CSMD2: variants seen among roughly 807,000 people sequenced by gnomAD.
The protein encoded by CSMD2 is CUB and sushi domain-containing protein 2.
CSMD2 carries 130 observed loss-of-function variants against 398.5 expected under a neutral mutation model. The observed-to-expected ratio is 0.33, with a 90% confidence interval of 0.28 to 0.38. CSMD2 has a LOEUF of 0.38. Ranked by LOEUF, CSMD2 falls within the 10% of genes least tolerant of loss-of-function variation. The probability of loss-of-function intolerance (pLI) is 1.00; values close to 1 mark genes in which losing one functional copy is unlikely to be tolerated. For missense variants in CSMD2, 3,829 were observed against 4,764.9 expected, an observed-to-expected ratio of 0.80 and a Z score of 5.78; for synonymous variants, 1,828 against 1,908.5, an observed-to-expected ratio of 0.96 and a Z score of 1.10.
intron 2 of CSMD2, among the ~76,000 whole-genome samples, chr1:34,077,664 G>A (rs1222914244): frequency 1.3e-5 from 2 of 149,310 alleles, no homozygotes; most frequent in Admixed American, 6.7e-5. Context: ...GTGAACCCGG[G>A]AGGCGGAGCT....
chr1:33,791,463 G>T (rs1366664063), intron 11 of CSMD2, among the ~76,000 whole-genome samples: 2 of 152,154 alleles, frequency 1.3e-5, no homozygotes, highest in African/African-American at 2.4e-5. Context: ...TAAGCCACAT[G>T]TCCTGAGCAG....
At chr1:34,046,647 T>C (rs1159682913) in intron 2 of CSMD2, among the ~76,000 whole-genome samples, 5 of 152,232 alleles carry the variant, frequency 3.3e-5, no homozygotes, top group African/African-American at 1.2e-4. Context: ...TTACCCATGA[T>C]TTGTCTCTAT....
At chr1:33,587,273 C>T (rs922257684) in intron 44 of CSMD2, 105 bp from the exon 45 acceptor site, 19 of 862,514 alleles carry the variant, frequency 2.2e-5, no homozygotes, top group Non-Finnish European at 1.3e-5. Context: ...TTTATTCACA[C>T]ACAGATATTC....
In CSMD2 at chr1:33,533,016, G is replaced by T. The variant is rs200333295; in HGVS notation, c.10171+34C>A. 2.6e-6 allele frequency: 4 copies of T among 1,567,684 alleles called. No homozygotes were observed. In the East Asian group the frequency reaches 9.1e-5, roughly 36 times the overall value. On this transcript the variant is annotated intron_variant, in intron 64 of 70. Coordinates refer to ENST00000373381, the MANE Select transcript of CSMD2 (RefSeq NM_001281956.2). This position sits in a 1 kb window ranked among gnomAD's most constrained non-coding sequence, Gnocchi z 4.2. ...GTTCAGCCAGCACTTTCAGCCTCCC[G>T]CCCTGGAGAGCTTCCCCGAGCAGGC...
In CSMD2 at chr1:33,636,400, A is replaced by G; in HGVS notation, c.4929T>C (p.Asp1643=). The change falls in exon 30 of 71, where the codon GAT becomes GAC. Residue 1643 remains aspartate, a synonymous_variant. Coordinates refer to ENST00000373381, the MANE Select transcript of CSMD2 (RefSeq NM_001281956.2). The surrounding 1 kb of genome is among the most constrained non-coding windows in gnomAD (Gnocchi z 4.8). Reference sequence around the variant, plus strand: ...GGGGATTGTTCCACACGGGCTTCCCATCAGGCCCCAGGATGCAGCTCAGGG... The same window carrying G: ...GGGGATTGTTCCACACGGGCTTCCCGTCAGGCCCCAGGATGCAGCTCAGGG... The part of the protein sequence containing the change: ...TSTLSCILGP[D]GKPVWNNPRP... 1 of 1,613,624 alleles carries G rather than the reference A, an allele frequency of 6.2e-7. No individual in the cohort carries two copies. The highest frequency in any genetic ancestry group is 8.5e-7 in the Non-Finnish European group (1 of 1,179,794).
At chr1:34,126,834 A>G (rs1662790358) in intron 1 of CSMD2, among the ~76,000 whole-genome samples, 1 of 151,856 alleles carries the variant, frequency 6.6e-6, no homozygotes, top group Admixed American at 6.6e-5. Context: ...ATGGGGAGAG[A>G]GACGGGCAGG....
intron 3 of CSMD2, among the ~76,000 whole-genome samples, chr1:33,959,997 CTTG>C (rs1645299016): frequency 2.0e-5 from 3 of 152,206 alleles, no homozygotes; most frequent in Non-Finnish European, 4.4e-5. Flanking sequence ...TGTCTGGCAA[CTTG>C]ACTTTCGGCC....
At chr1:33,973,717 A>C (rs950791342) in intron 3 of CSMD2, among the ~76,000 whole-genome samples, 1 of 152,178 alleles carries the variant, frequency 6.6e-6, no homozygotes, top group African/African-American at 2.4e-5. Context: ...CTGGGGAGAC[A>C]GGACTCCTAC....
intron 15 of CSMD2, among the ~76,000 whole-genome samples, chr1:33,734,576 G>A (rs1409066438): frequency 6.6e-6 from 1 of 152,068 alleles, no homozygotes; most frequent in African/African-American, 2.4e-5. Context: ...CATGAGGTCA[G>A]GAGTTTGAGA....
At chr1:33,892,366 G>A (rs1416735532) in intron 5 of CSMD2, among the ~76,000 whole-genome samples, 1 of 151,720 alleles carries the variant, frequency 6.6e-6, no homozygotes, top group Non-Finnish European at 1.5e-5. Context: ...GTGGTTTTTG[G>A]TTACATGGAC....
At chr1:33,980,241 C>T (rs192831275) in intron 3 of CSMD2, among the ~76,000 whole-genome samples, 90 of 152,266 alleles carry the variant, frequency 5.9e-4, no homozygotes, top group African/African-American at 2.0e-3. Flanking sequence ...ATCTTAGAAC[C>T]CAAATCCCTC....
chr1:34,034,007 C>G (rs1558278464), intron 2 of CSMD2, among the ~76,000 whole-genome samples: 1 of 152,144 alleles, frequency 6.6e-6, no homozygotes, highest in Non-Finnish European at 1.5e-5. Flanking sequence ...GGCATCTTCT[C>G]TTCAAATATA....
At chr1:33,791,649 A>G (rs1163287361) in intron 11 of CSMD2, among the ~76,000 whole-genome samples, 1 of 152,090 alleles carries the variant, frequency 6.6e-6, no homozygotes, top group African/African-American at 2.4e-5. Flanking sequence ...CACCACATCC[A>G]GCTAATTTTT....
intron 3 of CSMD2, among the ~76,000 whole-genome samples, chr1:34,005,656 T>A (rs762021692): frequency 2.0e-5 from 3 of 152,216 alleles, no homozygotes; most frequent in Non-Finnish European, 2.9e-5. Context: ...ACTGAGTTTC[T>A]GCCTCAGTTT....
At position 33,877,944 on chromosome 1, in the gene CSMD2, C is replaced by T. The variant is rs980294042; in HGVS notation, c.921-30948G>A. On this transcript the variant is annotated intron_variant, in intron 5 of 70. Coordinates refer to ENST00000373381, the MANE Select transcript of CSMD2 (RefSeq NM_001281956.2). ...TGATTGGACAAGGAGTGGAGACACTCGACTGATGAGTGGAGCCAATCAGAT... is the reference window on the plus strand; with the variant it reads ...TGATTGGACAAGGAGTGGAGACACTTGACTGATGAGTGGAGCCAATCAGAT... Among the ~76,000 whole-genome samples, 81 of 152,100 alleles carry T rather than the reference C, an allele frequency of 5.3e-4. 1 individual carries two copies. Among genetic ancestry groups the T allele is most frequent in the Middle Eastern group, 3.4e-3 (1 of 294 alleles).
In CSMD2 at chr1:33,520,000, C is replaced by T; in HGVS notation, c.10598-50G>A. 1 of 1,604,186 alleles carries T rather than the reference C, an allele frequency of 6.2e-7. No individual in the cohort carries two copies. The highest frequency in any genetic ancestry group is 8.5e-7 in the Non-Finnish European group (1 of 1,172,674). On this transcript the variant is annotated intron_variant, in intron 68 of 70. Coordinates refer to ENST00000373381, the MANE Select transcript of CSMD2 (RefSeq NM_001281956.2). This position sits in a 1 kb window ranked among gnomAD's most constrained non-coding sequence, Gnocchi z 5.6. ...TCAAGTCACGAGACACAGTCTGAGG[C>T]TCCGTTGGCTACCCTCCCCGACTAT...
Position 33,522,742 on chromosome 1 carries a change from T to G in CSMD2, c.10509+565A>C, listed in dbSNP as rs188769922. Among the ~76,000 whole-genome samples, 607 of 152,300 alleles carry G rather than the reference T, an allele frequency of 4.0e-3. 4 individuals are homozygous for G. The highest frequency in any genetic ancestry group is 0.013 in the African/African-American group (534 of 41,550). ...GAGGACGTGGTAGGGGATGCTATGC[T>G]CAACTCCACTATGTGTGAAATAGGA... On this transcript the variant is annotated intron_variant, in intron 67 of 70. Coordinates refer to ENST00000373381, the MANE Select transcript of CSMD2 (RefSeq NM_001281956.2).
intron 13 of CSMD2, among the ~76,000 whole-genome samples, chr1:33,762,048 G>T (rs371241268): frequency 6.6e-6 from 1 of 152,180 alleles, no homozygotes; most frequent in Non-Finnish European, 1.5e-5. Context: ...GTAACCCAAG[G>T]CCCTCTTAGA....
Position 33,624,671 on chromosome 1 carries a change from G to A in CSMD2, c.5501-28C>T. 6.3e-7 allele frequency: 1 copy of A among 1,597,918 alleles called. No individual in the cohort carries two copies. Among genetic ancestry groups the A allele is most frequent in the South Asian group, 1.1e-5 (1 of 90,580 alleles). On this transcript the variant is annotated intron_variant, in intron 34 of 70. Transcript: ENST00000373381. This position sits in a 1 kb window ranked among gnomAD's most constrained non-coding sequence, Gnocchi z 4.7. ...GGGAGGAGAGGCCATCGGGTCAGAG[G>A]CTTTGTGGCCTCCCGTGGGAGCCTT...
Sources: gnomAD v4.1 joint callset for allele counts (sites outside exome capture counted in the v4.1 genomes callset) on GRCh38, gnomAD v4.1.1 for gene constraint, Gnocchi (gnomAD v3.1) non-coding constraint, MANE v1.5 for transcripts, NCBI Gene and HGNC (gene_info 2026-07-23, HGNC 2026-07-21) for gene names.